SEPTIN7: variants seen among roughly 807,000 people sequenced by gnomAD.
SEPTIN7 encodes the protein septin-7.
Under a neutral mutation model 63.3 loss-of-function variants are expected in SEPTIN7, and 10 were observed. The observed-to-expected ratio is 0.16, with a 90% CI of 0.10 to 0.27. The LOEUF (loss-of-function observed/expected upper bound fraction) is 0.27. SEPTIN7 is among the 10% of genes least tolerant of loss of function. The pLI, the probability that SEPTIN7 is intolerant of heterozygous loss-of-function variation, is 1.00. For missense variants in SEPTIN7, 310 were observed against 521.0 expected, an observed-to-expected ratio of 0.59 and a Z score of 3.94; for synonymous variants, 131 against 165.3, an observed-to-expected ratio of 0.79 and a Z score of 1.59.
intron 11 of SEPTIN7, among the ~76,000 whole-genome samples, chr7:35,895,019 A>G (rs1422413968): frequency 6.6e-6 from 1 of 152,114 alleles, no homozygotes; most frequent in African/African-American, 2.4e-5. Context: ...TTATGTTGTA[A>G]TCATTTTCTT....
chr7:35,851,811 T>C (rs943287285), intron 3 of SEPTIN7, among the ~76,000 whole-genome samples: 10 of 152,334 alleles, frequency 6.6e-5, no homozygotes, highest in South Asian at 2.1e-4. Flanking sequence ...CACTTGACAT[T>C]TTGGTATGGA....
At chr7:35,879,194 T>G (rs1297081661) in intron 6 of SEPTIN7, among the ~76,000 whole-genome samples, 1 of 152,182 alleles carries the variant, frequency 6.6e-6, no homozygotes, top group African/African-American at 2.4e-5. Flanking sequence ...GAAGATTATC[T>G]TGTGAGCATC....
At chr7:35,885,378 T>C (rs901607384) in intron 9 of SEPTIN7, among the ~76,000 whole-genome samples, 1 of 152,130 alleles carries the variant, frequency 6.6e-6, no homozygotes. Context: ...CCAAGTAATA[T>C]TCCTATTTGT....
intron 3 of SEPTIN7, among the ~76,000 whole-genome samples, chr7:35,841,857 A>G (rs1240356770): frequency 1.3e-5 from 2 of 152,166 alleles, no homozygotes; most frequent in African/African-American, 4.8e-5. Flanking sequence ...TTTCTCCATA[A>G]TGGGTAATTT....
At chr7:35,847,986 C>G (rs537230583) in intron 3 of SEPTIN7, 1 of 152,332 alleles carries the variant, frequency 6.6e-6, no homozygotes, top group Admixed American at 6.5e-5. Context: ...TTCCCGTCTT[C>G]TATCCATTAG....
intron 1 of SEPTIN7, among the ~76,000 whole-genome samples, chr7:35,807,351 A>ATTTT (rs70974769): frequency 9.0e-5 from 2 of 22,188 alleles, no homozygotes; most frequent in Non-Finnish European, 1.5e-4. Flanking sequence ...GCCCGGCTGA[A>ATTTT]TTTTTTTTTT....
rs533635431 is a variant in SEPTIN7, at chr7:35,875,718, T to C, written c.512+1943T>C. On this transcript the variant is annotated intron_variant, in intron 6 of 13. Coordinates refer to ENST00000350320, the MANE Select transcript of SEPTIN7 (RefSeq NM_001788.6). Reference sequence around the variant, plus strand: ...ATCCTTCTAGTATTGATTACCACTTTTAGAAAAATTGGTGTCATCCAGTGA... The same window carrying C: ...ATCCTTCTAGTATTGATTACCACTTCTAGAAAAATTGGTGTCATCCAGTGA... 2.6e-5 allele frequency among the ~76,000 whole-genome samples: 4 copies of C among 152,320 alleles called. No homozygotes were observed. In the South Asian group the frequency reaches 6.2e-4, roughly 24 times the overall value.
intron 12 of SEPTIN7, 94 bp downstream of exon 12, chr7:35,898,477 A>C (rs1271043164): frequency 1.2e-6 from 1 of 820,798 alleles, no homozygotes; most frequent in Non-Finnish European, 1.9e-6. Flanking sequence ...ACCTTTTTAT[A>C]CATATTTTTT....
In SEPTIN7 at chr7:35,905,445, T is replaced by C. The variant is rs978239848; in HGVS notation, c.*1152T>C. On this transcript the variant is annotated 3_prime_UTR_variant, in exon 14 of 14. Transcript: ENST00000350320. ...TGTCTCATTTAGAATGCATATGTGC[T>C]GATTTTCTAATTTAAGAGATACCAT... is the stretch of plus-strand genomic sequence containing the variant. 2.6e-5 allele frequency: 4 copies of C among 152,252 alleles called. No homozygotes were observed. The highest frequency in any genetic ancestry group is 9.6e-5 in the African/African-American group (4 of 41,470). The allele number at this position is 152,252 out of a possible 1,614,324, so 9.4% of individuals were successfully genotyped here. A position where few individuals can be genotyped will look rare whatever the true frequency, so the allele number is the denominator to read the frequency against.
chr7:35,868,969 C>T (rs867996720), intron 4 of SEPTIN7, among the ~76,000 whole-genome samples: 1 of 152,118 alleles, frequency 6.6e-6, no homozygotes, highest in African/African-American at 2.4e-5. Context: ...TGGGAAGAGC[C>T]TACTGGGAAA....
chr7:35,850,194 G>T (rs1351319556), intron 3 of SEPTIN7, among the ~76,000 whole-genome samples: 1 of 152,090 alleles, frequency 6.6e-6, no homozygotes, highest in African/African-American at 2.4e-5. Context: ...ATGTATTTTG[G>T]TTAAGAACTA....
chr7:35,826,831 TA>T (rs1225071792), intron 1 of SEPTIN7, among the ~76,000 whole-genome samples: 1 of 152,166 alleles, frequency 6.6e-6, no homozygotes, highest in Non-Finnish European at 1.5e-5. Flanking sequence ...TTCAGAGTTT[TA>T]AAAATGGTAA....
At chr7:35,892,067 T>G (rs982312885) in intron 11 of SEPTIN7, among the ~76,000 whole-genome samples, 2 of 152,210 alleles carry the variant, frequency 1.3e-5, no homozygotes, top group African/African-American at 4.8e-5. Context: ...ATCCCTTGTT[T>G]ACTGAAATGT....
chr7:35,863,140 T>C (rs1403148816), intron 3 of SEPTIN7, among the ~76,000 whole-genome samples: 3 of 152,146 alleles, frequency 2.0e-5, no homozygotes, highest in African/African-American at 7.2e-5. Context: ...GATTTTTGCT[T>C]TTTATAGTTG....
At chr7:35,832,421 T>C (rs1783875788) in intron 2 of SEPTIN7, among the ~76,000 whole-genome samples, 1 of 152,114 alleles carries the variant, frequency 6.6e-6, no homozygotes, top group Non-Finnish European at 1.5e-5. Context: ...TAAAAAGGAT[T>C]CTTAATATGA....
At chr7:35,873,354 T>C (rs1417630177) in intron 5 of SEPTIN7, among the ~76,000 whole-genome samples, 3 of 152,086 alleles carry the variant, frequency 2.0e-5, no homozygotes, top group Admixed American at 2.0e-4. Flanking sequence ...ATATAATTGT[T>C]TTCATATTAT....
chr7:35,815,753 A>T (rs1789017428), intron 1 of SEPTIN7, among the ~76,000 whole-genome samples: 1 of 151,860 alleles, frequency 6.6e-6, no homozygotes, highest in Non-Finnish European at 1.5e-5. Context: ...CAGTGTCTTC[A>T]TGTTATTCTT....
At chr7:35,899,120 A>C (rs1270479862) in intron 12 of SEPTIN7, 3 of 152,258 alleles carry the variant, frequency 2.0e-5, no homozygotes, top group Admixed American at 2.0e-4. Flanking sequence ...GAACATTAAA[A>C]ATCCATAGAG....
At chr7:35,885,334 T>C (rs1409686885) in intron 9 of SEPTIN7, among the ~76,000 whole-genome samples, 1 of 152,126 alleles carries the variant, frequency 6.6e-6, no homozygotes, top group Non-Finnish European at 1.5e-5. Flanking sequence ...AGAAATTGAT[T>C]TGCATCTCTC....
Sources: allele counts gnomAD v4.1 joint callset (sites outside exome capture counted in the v4.1 genomes callset), GRCh38; gene constraint gnomAD v4.1.1; transcripts MANE v1.5; gene names NCBI Gene and HGNC (gene_info 2026-07-23, HGNC 2026-07-21).